Variants in TOM1L2 observed in about 807,000 individuals in gnomAD.
TOM1L2 encodes TOM1-like protein 2.
Under a neutral mutation model 67.9 loss-of-function variants are expected in TOM1L2, and 31 were observed. The observed-to-expected ratio is 0.46, with a 90% CI of 0.34 to 0.62. TOM1L2 has a LOEUF of 0.62. Ranked by LOEUF, TOM1L2 falls within the 20% of genes least tolerant of loss-of-function variation. TOM1L2 has a pLI of 0.01. For synonymous variants in TOM1L2, 256 were observed against 254.0 expected (o/e 1.01, Z -0.07); for missense variants, 606 against 663.5 (o/e 0.91, Z 0.95).
At chr17:17,928,860 T>A (rs1225126951) in intron 1 of TOM1L2, among the ~76,000 whole-genome samples, 2 of 152,162 alleles carry the variant, frequency 1.3e-5, no homozygotes. Context: ...TTCCTCAGTA[T>A]CAGAGAACAA....
At chr17:17,969,866 T>C (rs901019296) in intron 1 of TOM1L2, among the ~76,000 whole-genome samples, 1 of 152,084 alleles carries the variant, frequency 6.6e-6, no homozygotes, top group African/African-American at 2.4e-5. Flanking sequence ...TCTTTCTCTC[T>C]CTCTCTCTCT....
At chr17:17,874,982 C>A (rs933399178) in intron 7 of TOM1L2, among the ~76,000 whole-genome samples, 3 of 152,170 alleles carry the variant, frequency 2.0e-5, no homozygotes, top group South Asian at 4.1e-4. Flanking sequence ...AAAGGCCATG[C>A]GTGGTGGCTC....
chr17:17,906,507 C>A (rs1041527652), intron 2 of TOM1L2, among the ~76,000 whole-genome samples: 1 of 152,098 alleles, frequency 6.6e-6, no homozygotes, highest in Non-Finnish European at 1.5e-5. Context: ...ACAGTCTTGT[C>A]CTCATCTGAC....
At position 17,956,894 on chromosome 17, in the gene TOM1L2, C is replaced by T. The variant is rs529487067; in HGVS notation, c.52+15368G>A. On this transcript the variant is annotated intron_variant, in intron 1 of 14. Coordinates refer to ENST00000379504, the MANE Select transcript of TOM1L2 (RefSeq NM_001082968.2). ...AAGCTGAGGGAGGCGGCTCCGGCCTCGGCCAGCCCAGGGAGGGGTTCTCAC... is the reference window on the plus strand; with the variant it reads ...AAGCTGAGGGAGGCGGCTCCGGCCTTGGCCAGCCCAGGGAGGGGTTCTCAC... Among the ~76,000 whole-genome samples, 16 of 152,322 alleles carry T rather than the reference C, an allele frequency of 1.1e-4. 1 individual carries two copies. In the South Asian group the frequency reaches 1.4e-3, roughly 14 times the overall value.
At chr17:17,898,900 T>C (rs571280909) in intron 2 of TOM1L2, among the ~76,000 whole-genome samples, 1 of 152,342 alleles carries the variant, frequency 6.6e-6, no homozygotes, top group East Asian at 1.9e-4. Context: ...AAGAAACTCA[T>C]GCACCAATAT....
intron 1 of TOM1L2, among the ~76,000 whole-genome samples, chr17:17,922,221 G>A (rs2039906770): frequency 6.6e-6 from 1 of 152,106 alleles, no homozygotes; most frequent in Non-Finnish European, 1.5e-5. Flanking sequence ...GCTAAGAAAT[G>A]GGCCTGGTAC....
intron 1 of TOM1L2, among the ~76,000 whole-genome samples, chr17:17,951,896 G>A (rs1184830721): frequency 6.6e-6 from 1 of 152,214 alleles, no homozygotes; most frequent in East Asian, 1.9e-4. Flanking sequence ...TGATGAGAGT[G>A]CAAGGCAAAC....
intron 6 of TOM1L2, among the ~76,000 whole-genome samples, chr17:17,882,473 C>T (rs1292824840): frequency 6.6e-6 from 1 of 152,346 alleles, no homozygotes; most frequent in Non-Finnish European, 1.5e-5. Context: ...CCAGGCACCA[C>T]TCAACCCTGG....
rs756673972 is a variant in TOM1L2, at chr17:17,879,757, C to T, written c.661-14G>A. The T allele has an allele frequency of 5.6e-6, 9 of 1,606,858 alleles. No individual in the cohort carries two copies. Among genetic ancestry groups the T allele is most frequent in the Admixed American group, 3.3e-5 (2 of 59,992 alleles). ...CAGCCTGGCAATCTGGTGGGGGCCA[C>T]GAGGAAGGAAAGCAGGAAGGAAAGG... On this transcript the variant is annotated splice_polypyrimidine_tract_variant and intron_variant, in intron 6 of 14. Transcript: ENST00000379504.
chr17:17,852,832 T>TCCAC (rs1331797853), intron 12 of TOM1L2, among the ~76,000 whole-genome samples: 11 of 120,990 alleles, frequency 9.1e-5, no homozygotes, highest in Admixed American at 3.4e-4. Flanking sequence ...GCCATTGCAC[T>TCCAC]CCACCCTGGG....
chr17:17,945,452 T>C (rs565572908), intron 1 of TOM1L2, among the ~76,000 whole-genome samples: 44 of 152,234 alleles, frequency 2.9e-4, no homozygotes, highest in Admixed American at 3.9e-4. Context: ...AAAACAAACA[T>C]GGATTTCAAT....
At chr17:17,866,507 CAAG>C (rs1460736531) in intron 9 of TOM1L2, 88 bp from the exon 10 acceptor site, 1 of 1,453,096 alleles carries the variant, frequency 6.9e-7, no homozygotes. Context: ...TGCAGGGTTC[CAAG>C]AAGAAAAGTA....
At chr17:17,865,351 G>A (rs190798808) in intron 10 of TOM1L2, among the ~76,000 whole-genome samples, 17 of 152,298 alleles carry the variant, frequency 1.1e-4, no homozygotes, top group Admixed American at 4.6e-4. Flanking sequence ...AAGCCAAAGA[G>A]CTGAAACCTA....
chr17:17,851,284 G>T, intron 12 of TOM1L2: 1 of 366,514 alleles, frequency 2.7e-6, no homozygotes, highest in Non-Finnish European at 5.2e-6. Context: ...GCCCGGGGCT[G>T]CAAAACACCT....
intron 8 of TOM1L2, chr17:17,869,021 G>GT: frequency 3.5e-6 from 1 of 282,520 alleles, no homozygotes. Context: ...AAGCTCTGGG[G>GT]CCCAGAGGCC....
rs1205516343 is a variant in TOM1L2 at position 17,869,487 on chromosome 17, G to A, written c.778-14C>T. The A allele has an allele frequency of 6.3e-7, 1 of 1,596,404 alleles. No individual in the cohort carries two copies. Among genetic ancestry groups the A allele is most frequent in the Admixed American group, 1.7e-5 (1 of 58,336 alleles). ...CCTGTTGAGCTCCTAGGGAACACAT[G>A]CACCTCTGGGTAGCCTGCTGGGTGT... On this transcript the variant is annotated splice_polypyrimidine_tract_variant and intron_variant, in intron 7 of 14. Transcript: ENST00000379504.
intron 7 of TOM1L2, among the ~76,000 whole-genome samples, chr17:17,871,652 C>A (rs899873536): frequency 9.9e-5 from 15 of 152,194 alleles, no homozygotes; most frequent in African/African-American, 3.4e-4. Flanking sequence ...GCCTGGGGAA[C>A]AGAGTGAGAC....
At chr17:17,943,072 G>A (rs2040802119) in intron 1 of TOM1L2, among the ~76,000 whole-genome samples, 2 of 152,192 alleles carry the variant, frequency 1.3e-5, no homozygotes, top group African/African-American at 4.8e-5. Flanking sequence ...CAGATGCTTA[G>A]AAGCTGAGTC....
chr17:17,867,043 G>A, intron 8 of TOM1L2, 119 bp from the exon 9 acceptor site: 1 of 875,482 alleles, frequency 1.1e-6, no homozygotes, highest in Non-Finnish European at 1.9e-6. Context: ...CCCACCTGGG[G>A]GCTAGGGAGT....
Sources: gnomAD v4.1 joint callset for allele counts (sites outside exome capture counted in the v4.1 genomes callset) on GRCh38, gnomAD v4.1.1 for gene constraint, MANE v1.5 for transcripts, NCBI Gene and HGNC (gene_info 2026-07-23, HGNC 2026-07-21) for gene names.